The following FHIT variants were observed in gnomAD, a reference collection of about 807,000 sequenced individuals.
FHIT encodes fragile histidine triad diadenosine triphosphatase.
In FHIT, 19 loss-of-function variants were observed where a neutral mutation model predicts 17.9. That is an observed-to-expected ratio of 1.06 (90% CI 0.74 to 1.56). The LOEUF (loss-of-function observed/expected upper bound fraction) is 1.56, where lower values mean the gene tolerates loss of function less well. Among genes scored for constraint, FHIT ranks in the 40% most tolerant of loss-of-function variants. FHIT has a pLI of 0.00. For missense variants in FHIT, 248 were observed against 189.2 expected, an observed-to-expected ratio of 1.31 and a Z score of -1.82; for synonymous variants, 81 against 69.7, an observed-to-expected ratio of 1.16 and a Z score of -0.81.
intron 5 of FHIT, among the ~76,000 whole-genome samples, chr3:60,524,256 T>C (rs2035490389): frequency 6.7e-6 from 1 of 148,458 alleles, no homozygotes; most frequent in East Asian, 2.0e-4. Flanking sequence ...ACAAATAAAT[T>C]ATATAATAAT....
intron 2 of FHIT, among the ~76,000 whole-genome samples, chr3:61,174,681 A>G (rs1414332677): frequency 2.6e-5 from 4 of 152,250 alleles, no homozygotes; most frequent in African/African-American, 9.6e-5. Flanking sequence ...ACACTAGTAT[A>G]TCTTTAAATC....
chr3:60,746,601 G>C (rs1015315419), intron 4 of FHIT, among the ~76,000 whole-genome samples: 1 of 152,170 alleles, frequency 6.6e-6, no homozygotes, highest in African/African-American at 2.4e-5. Context: ...GAGAGAGTAA[G>C]AAGGGAGGGA....
chr3:60,521,986 G>A (rs539373186), intron 5 of FHIT, among the ~76,000 whole-genome samples: 1 of 152,234 alleles, frequency 6.6e-6, no homozygotes, highest in South Asian at 2.1e-4. Context: ...GTGATGACAA[G>A]GGAACAGGAA....
intron 7 of FHIT, among the ~76,000 whole-genome samples, chr3:59,984,489 C>T (rs893515915): frequency 6.6e-6 from 1 of 152,012 alleles, no homozygotes; most frequent in Non-Finnish European, 1.5e-5. Context: ...CAAATTCCCA[C>T]TGGTATTGGC....
chr3:60,539,874 G>A (rs1363151720), intron 4 of FHIT, among the ~76,000 whole-genome samples: 2 of 151,304 alleles, frequency 1.3e-5, no homozygotes, highest in African/African-American at 4.9e-5. Flanking sequence ...ACACCAACAT[G>A]GTACATGTAT....
intron 5 of FHIT, among the ~76,000 whole-genome samples, chr3:60,176,962 A>G (rs1374122219): frequency 2.0e-5 from 3 of 152,192 alleles, no homozygotes; most frequent in Admixed American, 6.5e-5. Flanking sequence ...GAGAAAGGCC[A>G]GAAATCCAAA....
chr3:61,206,690 G>T (rs540868871), intron 1 of FHIT, among the ~76,000 whole-genome samples: 27 of 151,892 alleles, frequency 1.8e-4, no homozygotes, highest in African/African-American at 6.3e-4. Flanking sequence ...CTTTCCTGAA[G>T]TTGCTTATCA....
chr3:60,807,889 G>A (rs1426788039), intron 4 of FHIT, among the ~76,000 whole-genome samples: 2 of 152,084 alleles, frequency 1.3e-5, no homozygotes, highest in South Asian at 2.1e-4. Context: ...GATAAAGAAA[G>A]GGGAGGTGTA....
chr3:60,878,344 T>G (rs1370963264), intron 3 of FHIT, among the ~76,000 whole-genome samples: 1 of 152,058 alleles, frequency 6.6e-6, no homozygotes, highest in Non-Finnish European at 1.5e-5. Context: ...TCCCTGGAAC[T>G]CAAAGCAATG....
In FHIT at chr3:60,352,859, T is replaced by C. The variant is rs147123760; in HGVS notation, c.103+184001A>G. The stretch of plus-strand genomic sequence containing the variant: ...GTCCTACTTACCCAGTTTTGTCAGG[T>C]GCCAGGAAATAGGGGAGCTCTTACC... On this transcript the variant is annotated intron_variant, in intron 5 of 9. Coordinates refer to ENST00000492590, the MANE Select transcript of FHIT (RefSeq NM_002012.4). Among the ~76,000 whole-genome samples the C allele has an allele frequency of 1.1e-4, 16 of 152,146 alleles. No homozygotes were observed. The East Asian group carries it at 3.1e-3, about 30-fold the overall frequency.
At chr3:60,398,609 A>G (rs369500485) in intron 5 of FHIT, among the ~76,000 whole-genome samples, 1 of 152,214 alleles carries the variant, frequency 6.6e-6, no homozygotes, top group Non-Finnish European at 1.5e-5. Flanking sequence ...TGAATACTTT[A>G]TAATCTGTAT....
At chr3:60,240,389 A>C (rs1329838034) in intron 5 of FHIT, among the ~76,000 whole-genome samples, 1 of 152,206 alleles carries the variant, frequency 6.6e-6, no homozygotes, top group Admixed American at 6.5e-5. Context: ...CAAAACCCTT[A>C]AATTTCCATC....
intron 4 of FHIT, among the ~76,000 whole-genome samples, chr3:60,567,634 C>T (rs1438257337): frequency 6.6e-6 from 1 of 152,154 alleles, no homozygotes; most frequent in Non-Finnish European, 1.5e-5. Flanking sequence ...AGAGCTTCTG[C>T]ACAGCAAAAG....
intron 8 of FHIT, among the ~76,000 whole-genome samples, chr3:59,798,676 A>C (rs1392564196): frequency 6.6e-6 from 1 of 152,250 alleles, no homozygotes; most frequent in Non-Finnish European, 1.5e-5. Flanking sequence ...TGGGTTTGGG[A>C]AGACCCGCAT....
chr3:60,156,084 G>T (rs896977658), intron 5 of FHIT, among the ~76,000 whole-genome samples: 3 of 152,036 alleles, frequency 2.0e-5, no homozygotes, highest in African/African-American at 7.2e-5. Flanking sequence ...CCGGGTGTGG[G>T]GGCTCATGCC....
At chr3:59,954,787 C>T (rs1246813067) in intron 7 of FHIT, among the ~76,000 whole-genome samples, 1 of 152,038 alleles carries the variant, frequency 6.6e-6, no homozygotes, top group East Asian at 1.9e-4. Context: ...TAGGAGGGAC[C>T]AGGGAGATGG....
chr3:60,784,172 C>T (rs575241946), intron 4 of FHIT, among the ~76,000 whole-genome samples: 1 of 152,066 alleles, frequency 6.6e-6, no homozygotes, highest in Non-Finnish European at 1.5e-5. Context: ...GCTCCTGCAC[C>T]CTCTAGCTTC....
chr3:60,644,762 G>A (rs999909743), intron 4 of FHIT, among the ~76,000 whole-genome samples: 4 of 152,142 alleles, frequency 2.6e-5, no homozygotes, highest in Admixed American at 2.6e-4. Flanking sequence ...CCACAACCAT[G>A]TTGCTTTTGT....
intron 4 of FHIT, among the ~76,000 whole-genome samples, chr3:60,701,966 C>T (rs2041258067): frequency 6.6e-6 from 1 of 152,180 alleles, no homozygotes; most frequent in Non-Finnish European, 1.5e-5. Context: ...AGATCTCTTT[C>T]ACTGTCATAA....
Sources: allele counts gnomAD v4.1 joint callset (sites outside exome capture counted in the v4.1 genomes callset), GRCh38; gene constraint gnomAD v4.1.1; transcripts MANE v1.5; gene names NCBI Gene and HGNC (gene_info 2026-07-23, HGNC 2026-07-21).